The following NBEA variants were observed in gnomAD, a reference collection of about 807,000 sequenced individuals.
NBEA encodes the protein neurobeachin.
Under a neutral mutation model 343.4 loss-of-function variants are expected in NBEA, and 44 were observed. That is an observed-to-expected ratio of 0.13 (90% CI 0.10 to 0.16). The LOEUF is 0.16. Ranked by LOEUF, NBEA falls within the 10% of genes least tolerant of loss-of-function variation. The pLI is 1.00. For synonymous variants in NBEA, 1,175 were observed against 1,238.7 expected, an observed-to-expected ratio of 0.95 and a Z score of 1.08; for missense variants, 2,555 against 3,631.3, an observed-to-expected ratio of 0.70 and a Z score of 7.62.
chr13:35,212,537 G>T (rs2152754191), intron 33 of NBEA, among the ~76,000 whole-genome samples: 1 of 152,120 alleles, frequency 6.6e-6, no homozygotes, highest in Non-Finnish European at 1.5e-5. Context: ...ATGCATATTT[G>T]TTAGATAATT....
intron 36 of NBEA, among the ~76,000 whole-genome samples, chr13:35,314,393 T>C (rs2037577312): frequency 6.6e-6 from 1 of 152,140 alleles, no homozygotes. Flanking sequence ...GCATTTGCTT[T>C]AAGACATTGA....
At chr13:35,121,520 A>G (rs2066797533) in intron 16 of NBEA, among the ~76,000 whole-genome samples, 1 of 150,586 alleles carries the variant, frequency 6.6e-6, no homozygotes, top group African/African-American at 2.4e-5. Flanking sequence ...TGCTATTCTC[A>G]GACTTGTCTT....
At chr13:35,592,355 A>T (rs2081576803) in intron 46 of NBEA, among the ~76,000 whole-genome samples, 1 of 152,136 alleles carries the variant, frequency 6.6e-6, no homozygotes, top group Non-Finnish European at 1.5e-5. Flanking sequence ...TTGGAGATAA[A>T]ACAATGAATA....
chr13:35,507,157 C>A (rs2077100351), intron 41 of NBEA, among the ~76,000 whole-genome samples: 1 of 152,100 alleles, frequency 6.6e-6, no homozygotes, highest in Non-Finnish European at 1.5e-5. Context: ...ATTTATCATA[C>A]CCTCATCCTG....
intron 48 of NBEA, among the ~76,000 whole-genome samples, chr13:35,621,176 T>C (rs1430563849): frequency 2.0e-5 from 3 of 152,130 alleles, no homozygotes; most frequent in Non-Finnish European, 1.5e-5. Flanking sequence ...AGGAGAGATA[T>C]TAGACTATAT....
chr13:35,649,934 C>T, intron 52 of NBEA, 87 bp downstream of exon 52: 2 of 1,258,196 alleles, frequency 1.6e-6, no homozygotes, highest in Non-Finnish European at 2.2e-6. Context: ...GGGATTAGCT[C>T]ATATCCCACA....
At chr13:35,561,746 C>T (rs1380520252) in intron 44 of NBEA, among the ~76,000 whole-genome samples, 1 of 152,038 alleles carries the variant, frequency 6.6e-6, no homozygotes, top group Non-Finnish European at 1.5e-5. Flanking sequence ...GGTATGTGTA[C>T]ATGTGCATAA....
intron 33 of NBEA, among the ~76,000 whole-genome samples, chr13:35,214,002 A>G (rs929145627): frequency 6.6e-6 from 1 of 152,104 alleles, no homozygotes; most frequent in South Asian, 2.1e-4. Flanking sequence ...TCGACAGTAC[A>G]TACTATTTTT....
At chr13:35,203,690 A>G (rs1207351826) in intron 31 of NBEA, among the ~76,000 whole-genome samples, 1 of 152,188 alleles carries the variant, frequency 6.6e-6, no homozygotes, top group Non-Finnish European at 1.5e-5. Context: ...GATAAATTCA[A>G]TGATGGAAGA....
intron 34 of NBEA, among the ~76,000 whole-genome samples, chr13:35,282,264 G>C (rs1036929182): frequency 6.6e-6 from 1 of 152,042 alleles, no homozygotes; most frequent in African/African-American, 2.4e-5. Flanking sequence ...TTATTTAAAT[G>C]TAACTACTTG....
At chr13:35,292,198 G>C (rs2035844774) in intron 35 of NBEA, among the ~76,000 whole-genome samples, 1 of 151,822 alleles carries the variant, frequency 6.6e-6, no homozygotes, top group Non-Finnish European at 1.5e-5. Context: ...AACTATCTTT[G>C]TAGATCATTA....
At chr13:35,667,739 C>A (rs1311155889) in intron 57 of NBEA, among the ~76,000 whole-genome samples, 169 bp downstream of exon 57, 1 of 152,162 alleles carries the variant, frequency 6.6e-6, no homozygotes, top group African/African-American at 2.4e-5. Context: ...ACCCAAAGTT[C>A]ATTTAATTGC....
rs370996377 is a variant in NBEA at position 35,625,920 on chromosome 13, G to A, written c.7450-2161G>A. On this transcript the variant is annotated intron_variant, in intron 48 of 58. Transcript: ENST00000379939. The stretch of plus-strand genomic sequence containing the variant: ...TCATGCATTGCTAGAGAGTGGGCAC[G>A]GATGACTCACATTAAGTATGCACTC... 9.9e-5 allele frequency among the ~76,000 whole-genome samples: 15 copies of A among 152,176 alleles called. No individual in the cohort carries two copies. In the South Asian group the frequency reaches 2.1e-3, roughly 21 times the overall value.
intron 35 of NBEA, among the ~76,000 whole-genome samples, chr13:35,307,360 T>C (rs2036962864): frequency 6.6e-6 from 1 of 152,046 alleles, no homozygotes; most frequent in Non-Finnish European, 1.5e-5. Context: ...TATACTTTCA[T>C]TGGCTTTCTC....
chr13:35,647,182 A>G (rs1198846397), intron 51 of NBEA, among the ~76,000 whole-genome samples: 8 of 152,186 alleles, frequency 5.3e-5, no homozygotes, highest in African/African-American at 1.9e-4. Context: ...TTCTTCTTTA[A>G]GTAATTTGAA....
At chr13:35,411,644 T>TGTG (rs2043592464) in intron 38 of NBEA, among the ~76,000 whole-genome samples, 1 of 110,584 alleles carries the variant, frequency 9.0e-6, no homozygotes, top group African/African-American at 2.8e-5. Context: ...TTTTGTTTTT[T>TGTG]GTTTTGTTGT....
chr13:35,560,910 A>G (rs2153021493), intron 44 of NBEA, among the ~76,000 whole-genome samples: 1 of 151,642 alleles, frequency 6.6e-6, no homozygotes, highest in South Asian at 2.1e-4. Context: ...GTGTATCCAA[A>G]GCAGGATTGC....
chr13:35,360,632 G>A (rs2040757287), intron 38 of NBEA, among the ~76,000 whole-genome samples: 1 of 151,822 alleles, frequency 6.6e-6, no homozygotes, highest in South Asian at 2.1e-4. Context: ...TAAATGAATA[G>A]ACTGATAGAT....
intron 9 of NBEA, among the ~76,000 whole-genome samples, chr13:35,070,504 T>G (rs1389404248): frequency 6.6e-6 from 1 of 152,118 alleles, no homozygotes; most frequent in Non-Finnish European, 1.5e-5. Context: ...CTTAATATTT[T>G]TAGTGTGAAA....
Sources: gnomAD v4.1 joint callset for allele counts (sites outside exome capture counted in the v4.1 genomes callset) on GRCh38, gnomAD v4.1.1 for gene constraint, MANE v1.5 for transcripts, NCBI Gene and HGNC (gene_info 2026-07-23, HGNC 2026-07-21) for gene names.